Variants in RMDN2 observed in about 807,000 individuals in gnomAD.
The protein encoded by RMDN2 is regulator of microtubule dynamics 2.
A neutral mutation model predicts 52.8 loss-of-function variants in RMDN2; 61 were observed. The ratio of observed to expected loss-of-function variants is 1.16; its 90% CI spans 0.94 to 1.43. RMDN2 has a LOEUF of 1.43. Among genes scored for constraint, RMDN2 ranks in the 40% most tolerant of loss-of-function variants. The probability of loss-of-function intolerance (pLI) is 0.00; values close to 1 mark genes in which losing one functional copy is unlikely to be tolerated. For synonymous variants in RMDN2, 180 were observed against 153.1 expected, an observed-to-expected ratio of 1.18 and a Z score of -1.30; for missense variants, 592 against 475.3, an observed-to-expected ratio of 1.25 and a Z score of -2.28.
upstream of RMDN2, among the ~76,000 whole-genome samples, chr2:37,922,117 C>A (rs1419031293): frequency 2.0e-5 from 3 of 152,162 alleles, 1 homozygote; most frequent in East Asian, 5.8e-4. Flanking sequence ...CAGCTATTTG[C>A]AGTAAAATAT....
intron 10 of RMDN2, among the ~76,000 whole-genome samples, chr2:38,033,800 T>C (rs2125278133): frequency 6.6e-6 from 1 of 152,362 alleles, no homozygotes; most frequent in East Asian, 1.9e-4. Flanking sequence ...GTCCAGGAAT[T>C]CATGAGATTC....
rs780470726 is a variant in RMDN2, at chr2:37,974,188, G to C, written c.601G>C (p.Glu201Gln). 1.1e-5 allele frequency: 17 copies of C among 1,612,270 alleles called. No homozygotes were observed. In the East Asian group the frequency reaches 3.3e-4, roughly 32 times the overall value. ...TGAGTCTGGCAAGTCGGAGAGTTTT[G>C]AACTACTTCGTGACCACAAAGAAAA... is the stretch of plus-strand genomic sequence containing the variant. ...MSESGKSESF[E>Q]LLRDHKEKFR... is the part of the protein sequence containing the mutation. Residue 201 changes from glutamate to glutamine, a missense_variant, in exon 3 of 11, where the codon GAA becomes CAA. Physicochemically the swap from Glu to Gln is conservative, Grantham distance 29 (BLOSUM62 2). Coordinates refer to ENST00000354545, the MANE Select transcript of RMDN2 (RefSeq NM_001170791.3).
At chr2:37,969,619 A>C (rs1159684599) in intron 2 of RMDN2, among the ~76,000 whole-genome samples, 1 of 151,924 alleles carries the variant, frequency 6.6e-6, no homozygotes, top group Non-Finnish European at 1.5e-5. Context: ...AATAATCTTC[A>C]AAAAATAAGA....
intron 2 of RMDN2, among the ~76,000 whole-genome samples, chr2:37,970,141 C>T (rs1671604204): frequency 1.3e-5 from 2 of 152,230 alleles, no homozygotes; most frequent in South Asian, 4.1e-4. Context: ...CCATGTTGTG[C>T]AGGCTAGTTT....
chr2:37,938,604 C>T (rs1012850673), intron 2 of RMDN2, among the ~76,000 whole-genome samples: 4 of 152,168 alleles, frequency 2.6e-5, no homozygotes, highest in Non-Finnish European at 5.9e-5. Context: ...GATTTGACTT[C>T]TTCCTGGTTT....
chr2:38,021,492 C>G (rs1679374961), downstream of RMDN2, among the ~76,000 whole-genome samples: 1 of 152,172 alleles, frequency 6.6e-6, no homozygotes, highest in African/African-American at 2.4e-5. Context: ...CCGCGAAGGT[C>G]TGCAGCTTCA....
At chr2:37,999,498 A>C (rs1676028042) in intron 8 of RMDN2, among the ~76,000 whole-genome samples, 1 of 152,200 alleles carries the variant, frequency 6.6e-6, no homozygotes. Context: ...TTTAGTCTCA[A>C]AATGCCTTCC....
chr2:37,990,971 T>C (rs1001862467), intron 6 of RMDN2, among the ~76,000 whole-genome samples: 1 of 152,210 alleles, frequency 6.6e-6, no homozygotes, highest in African/African-American at 2.4e-5. Flanking sequence ...TGTTTTCAAT[T>C]TTTATAACAG....
intron 6 of RMDN2, among the ~76,000 whole-genome samples, chr2:37,990,117 TG>T (rs1441719053): frequency 7.2e-6 from 1 of 138,624 alleles, no homozygotes; most frequent in Non-Finnish European, 1.5e-5. Context: ...CACTCCAGCC[TG>T]GGTGACAGAG....
intron 4 of RMDN2, among the ~76,000 whole-genome samples, chr2:37,980,313 T>C (rs568332279): frequency 5.3e-5 from 8 of 152,286 alleles, no homozygotes; most frequent in Non-Finnish European, 1.0e-4. Context: ...TTTTGGTTTT[T>C]TTTTATTTGA....
chr2:37,996,427 A>G (rs910894818), intron 7 of RMDN2, among the ~76,000 whole-genome samples: 4 of 152,034 alleles, frequency 2.6e-5, no homozygotes, highest in Non-Finnish European at 4.4e-5. Flanking sequence ...TCTACAAAAA[A>G]TTTAAAAAAT....
In RMDN2 at chr2:37,997,436, T is replaced by G. The variant is rs149138123; in HGVS notation, c.966T>G (p.Ile322Met). The change falls in exon 8 of 11, where the codon ATT (isoleucine) becomes ATG (methionine). Residue 322 changes from isoleucine to methionine, a missense_variant. By Grantham distance (10) the Ile-to-Met change is conservative. Coordinates refer to ENST00000354545, the MANE Select transcript of RMDN2 (RefSeq NM_001170791.3). ...TGCAGGTCTCAAAACTGAGCTGGAT[T>G]GAGAAAAAAATGGCTGCTACTCTGT... ...YCYTVSKLSW[I>M]EKKMAATLFG... 1.8e-3 allele frequency: 2,937 copies of G among 1,613,274 alleles called. 15 individuals are homozygous for G. Among genetic ancestry groups the G allele is most frequent in the Middle Eastern group, 7.4e-3 (45 of 6,056 alleles).
At chr2:37,961,171 G>A (rs764605741) in intron 2 of RMDN2, among the ~76,000 whole-genome samples, 4 of 151,976 alleles carry the variant, frequency 2.6e-5, no homozygotes, top group Non-Finnish European at 2.9e-5. Context: ...GTGTCTTGGG[G>A]TTGCTCTTCT....
chr2:37,986,932 TCCCTCTTA>T (rs1674102420), intron 5 of RMDN2, among the ~76,000 whole-genome samples: 1 of 152,074 alleles, frequency 6.6e-6, no homozygotes. Flanking sequence ...GTAAGGATGT[TCCCTCTTA>T]CCACTGCTTT....
chr2:38,032,014 G>GCT (rs879700582), intron 10 of RMDN2, among the ~76,000 whole-genome samples: 11 of 151,832 alleles, frequency 7.2e-5, no homozygotes, highest in Non-Finnish European at 8.8e-5. Context: ...AAAAGTGAGT[G>GCT]CTCTCTCTCT....
chr2:37,998,874 A>G (rs1675935356), intron 8 of RMDN2, among the ~76,000 whole-genome samples: 1 of 152,208 alleles, frequency 6.6e-6, no homozygotes, highest in Non-Finnish European at 1.5e-5. Flanking sequence ...TTTGATTTAA[A>G]TATAAGTGAA....
intron 5 of RMDN2, among the ~76,000 whole-genome samples, chr2:37,984,197 T>G (rs934784337): frequency 6.6e-6 from 1 of 152,248 alleles, no homozygotes; most frequent in Non-Finnish European, 1.5e-5. Context: ...TTTGTAACTT[T>G]AAGGCTGTAT....
chr2:38,062,343 CTTATT>C (rs1218844156), intron 10 of RMDN2, among the ~76,000 whole-genome samples: 1 of 152,202 alleles, frequency 6.6e-6, no homozygotes, highest in African/African-American at 2.4e-5. Flanking sequence ...TTGAAGCTGA[CTTATT>C]TTACTCAACA....
At chr2:38,059,235 T>G (rs939892596) in intron 10 of RMDN2, among the ~76,000 whole-genome samples, 1 of 152,206 alleles carries the variant, frequency 6.6e-6, no homozygotes, top group African/African-American at 2.4e-5. Context: ...TAATTTAAAT[T>G]TAAATAGCCA....
Sources: gnomAD v4.1 joint callset for allele counts (sites outside exome capture counted in the v4.1 genomes callset) on GRCh38, gnomAD v4.1.1 for gene constraint, MANE v1.5 for transcripts, NCBI Gene and HGNC (gene_info 2026-07-23, HGNC 2026-07-21) for gene names.